The following NTNG1 variants were observed in gnomAD, a reference collection of about 807,000 sequenced individuals.
NTNG1 encodes netrin G1.
In NTNG1, 16 loss-of-function variants were observed where a neutral mutation model predicts 54.0. The observed-to-expected ratio is 0.30, with a 90% confidence interval of 0.20 to 0.45. NTNG1 has a LOEUF of 0.45. Among genes scored for constraint, NTNG1 ranks in the 20% least tolerant of loss-of-function variants. The pLI, the probability that NTNG1 is intolerant of heterozygous loss-of-function variation, is 1.00. For missense variants in NTNG1, 530 were observed against 678.7 expected (o/e 0.78, Z 2.43); for synonymous variants, 255 against 263.1 (o/e 0.97, Z 0.30).
chr1:107,376,771 G>T (rs944030996), intron 3 of NTNG1, among the ~76,000 whole-genome samples: 22 of 152,058 alleles, frequency 1.4e-4, no homozygotes, highest in African/African-American at 5.3e-4. Flanking sequence ...ATAATTTCTT[G>T]GCTTTCTTGG....
intron 3 of NTNG1, among the ~76,000 whole-genome samples, chr1:107,345,036 A>G (rs1669127421): frequency 6.6e-6 from 1 of 152,204 alleles, no homozygotes; most frequent in African/African-American, 2.4e-5. Flanking sequence ...GAGTAGTTCC[A>G]AAATGTTGCT....
chr1:107,481,520 A>G lies in NTNG1; in HGVS notation c.*680A>G, dbSNP rs1249498808. Reference sequence around the variant, plus strand: ...CAAGAGTGGCTATAGGAAAAAAGAAAGTGTATCTATCCTTTTGTATTCAAA... The same window carrying G: ...CAAGAGTGGCTATAGGAAAAAAGAAGGTGTATCTATCCTTTTGTATTCAAA... On this transcript the variant is annotated 3_prime_UTR_variant, in exon 8 of 8. Transcript: ENST00000370068. 6.6e-6 allele frequency: 1 copy of G among 152,642 alleles called. No homozygotes were observed. Among genetic ancestry groups the G allele is most frequent in the African/African-American group, 2.4e-5 (1 of 41,452 alleles). The allele number at this position is 152,642 out of a possible 1,614,324, so 9.5% of individuals were successfully genotyped here.
chr1:107,465,187 C>T (rs186578474), intron 7 of NTNG1, among the ~76,000 whole-genome samples: 3 of 152,126 alleles, frequency 2.0e-5, no homozygotes, highest in Admixed American at 6.5e-5. Flanking sequence ...GCAGAAGCCA[C>T]GTGAAAAATC....
intron 5 of NTNG1, among the ~76,000 whole-genome samples, chr1:107,424,551 G>A (rs886824011): frequency 4.6e-5 from 7 of 152,100 alleles, no homozygotes; most frequent in African/African-American, 1.7e-4. Context: ...GTTTGGGGAT[G>A]ATGGCAGTAA....
chr1:107,403,427 G>A (rs1673175628), intron 4 of NTNG1, among the ~76,000 whole-genome samples: 2 of 151,980 alleles, frequency 1.3e-5, no homozygotes, highest in Admixed American at 1.3e-4. Context: ...TCATGCACTG[G>A]GGCTGAGCGT....
chr1:107,143,720 A>G (rs924771464), intron 1 of NTNG1, among the ~76,000 whole-genome samples: 1 of 151,648 alleles, frequency 6.6e-6, no homozygotes, highest in Non-Finnish European at 1.5e-5. Flanking sequence ...ATTTTCTCAT[A>G]TATGCGTTTG....
chr1:107,307,291 T>G (rs1489165285), intron 2 of NTNG1, among the ~76,000 whole-genome samples: 2 of 152,198 alleles, frequency 1.3e-5, no homozygotes, highest in African/African-American at 4.8e-5. Flanking sequence ...ATTAACTGAG[T>G]GCTGACCTAT....
chr1:107,346,949 A>C (rs1669282467), intron 3 of NTNG1, among the ~76,000 whole-genome samples: 1 of 151,752 alleles, frequency 6.6e-6, no homozygotes, highest in Non-Finnish European at 1.5e-5. Context: ...TGACCCAGGA[A>C]AACAGTGGTG....
chr1:107,332,871 C>T (rs1240914578), intron 3 of NTNG1, among the ~76,000 whole-genome samples: 1 of 151,976 alleles, frequency 6.6e-6, no homozygotes, highest in Non-Finnish European at 1.5e-5. Flanking sequence ...ACTATTTCTA[C>T]CTCCCTTTTA....
At chr1:107,406,653 A>G (rs1382975285) in intron 4 of NTNG1, among the ~76,000 whole-genome samples, 1 of 152,176 alleles carries the variant, frequency 6.6e-6, no homozygotes, top group African/African-American at 2.4e-5. Context: ...AACAGCATCT[A>G]TCATAATGTT....
chr1:107,197,826 G>A (rs896293403), intron 2 of NTNG1, among the ~76,000 whole-genome samples: 15 of 151,914 alleles, frequency 9.9e-5, no homozygotes, highest in Admixed American at 9.9e-4. Flanking sequence ...GGTGCACCAT[G>A]GTGTGTAAAC....
At chr1:107,212,620 A>C (rs1220590031) in intron 2 of NTNG1, among the ~76,000 whole-genome samples, 1 of 152,170 alleles carries the variant, frequency 6.6e-6, no homozygotes, top group Non-Finnish European at 1.5e-5. Flanking sequence ...TAATTTTGAC[A>C]TCATTGAGCT....
intron 2 of NTNG1, among the ~76,000 whole-genome samples, chr1:107,226,477 G>T (rs549274926): frequency 2.8e-4 from 43 of 152,164 alleles, no homozygotes; most frequent in African/African-American, 9.6e-4. Flanking sequence ...ACACATGTAG[G>T]TTCATATGCC....
At chr1:107,480,464 GC>G in intron 7 of NTNG1, 146 bp from the exon 8 acceptor site, 1 of 594,152 alleles carries the variant, frequency 1.7e-6, no homozygotes, top group Non-Finnish European at 3.0e-6. Context: ...GGAGTCACGG[GC>G]TTCGTTTGTG....
At chr1:107,433,201 C>A (rs528872018) in intron 6 of NTNG1, among the ~76,000 whole-genome samples, 2 of 152,048 alleles carry the variant, frequency 1.3e-5, no homozygotes, top group Non-Finnish European at 2.9e-5. Context: ...TGAAACCAAG[C>A]GAAGTACTTG....
At chr1:107,258,064 A>G (rs1438060603) in intron 2 of NTNG1, among the ~76,000 whole-genome samples, 1 of 152,164 alleles carries the variant, frequency 6.6e-6, no homozygotes, top group Admixed American at 6.5e-5. Flanking sequence ...TATATGAAAG[A>G]CACTCTAGGG....
intron 3 of NTNG1, among the ~76,000 whole-genome samples, chr1:107,328,362 C>A (rs1346921126): frequency 3.3e-5 from 5 of 152,048 alleles, no homozygotes; most frequent in African/African-American, 1.2e-4. Context: ...ACAATAATAT[C>A]ACTAATGGAA....
intron 2 of NTNG1, among the ~76,000 whole-genome samples, chr1:107,202,514 AC>A (rs1658835676): frequency 6.6e-6 from 1 of 151,656 alleles, no homozygotes; most frequent in Non-Finnish European, 1.5e-5. Flanking sequence ...GTTTTCTAAG[AC>A]CTTATTTATT....
intron 7 of NTNG1, among the ~76,000 whole-genome samples, chr1:107,437,325 T>A (rs1196313662): frequency 6.6e-6 from 1 of 152,222 alleles, no homozygotes; most frequent in East Asian, 1.9e-4. Flanking sequence ...GATATTGATT[T>A]TAAGCCTCTG....
Sources: allele counts gnomAD v4.1 joint callset (sites outside exome capture counted in the v4.1 genomes callset), GRCh38; gene constraint gnomAD v4.1.1; transcripts MANE v1.5; gene names NCBI Gene and HGNC (gene_info 2026-07-23, HGNC 2026-07-21).